Variants in RYR3 observed in about 807,000 individuals in gnomAD.
The protein encoded by RYR3 is brain ryanodine receptor-calcium release channel.
A neutral mutation model predicts 584.3 loss-of-function variants in RYR3; 207 were observed. That is an observed-to-expected ratio of 0.35 (90% CI 0.32 to 0.40). RYR3 has a LOEUF of 0.40. Among genes scored for constraint, RYR3 ranks in the 10% least tolerant of loss-of-function variants. The pLI, the probability that RYR3 is intolerant of heterozygous loss-of-function variation, is 1.00. For missense variants in RYR3, 5,616 were observed against 6,089.2 expected, an observed-to-expected ratio of 0.92 and a Z score of 2.59; for synonymous variants, 2,416 against 2,248.5, an observed-to-expected ratio of 1.07 and a Z score of -2.11.
At chr15:33,523,536 C>T (rs1181903292) in intron 3 of RYR3, among the ~76,000 whole-genome samples, 1 of 152,100 alleles carries the variant, frequency 6.6e-6, no homozygotes, top group Admixed American at 6.5e-5. Flanking sequence ...CCAGAAGGAA[C>T]CAGTTCCGGA....
chr15:33,797,599 G>T (rs1383934456), intron 67 of RYR3, among the ~76,000 whole-genome samples: 1 of 151,974 alleles, frequency 6.6e-6, no homozygotes, highest in African/African-American at 2.4e-5. Context: ...GAAGAGGGGT[G>T]GCCAAAGAAA....
At chr15:33,719,088 C>A (rs1013898440) in intron 43 of RYR3, among the ~76,000 whole-genome samples, 1 of 152,190 alleles carries the variant, frequency 6.6e-6, no homozygotes. Context: ...ATCCTCTTTG[C>A]CTTGGGAAGC....
At chr15:33,826,007 T>C (rs1186521913) in intron 82 of RYR3, among the ~76,000 whole-genome samples, 2 of 152,174 alleles carry the variant, frequency 1.3e-5, no homozygotes, top group Non-Finnish European at 2.9e-5. Context: ...AGTGCTGGAA[T>C]TACAGGCGTG....
intron 64 of RYR3, among the ~76,000 whole-genome samples, chr15:33,777,153 A>G (rs973916277): frequency 6.6e-6 from 1 of 152,226 alleles, no homozygotes; most frequent in Non-Finnish European, 1.5e-5. Context: ...GCAGCACTGC[A>G]CTCCAGCCTA....
intron 1 of RYR3, among the ~76,000 whole-genome samples, chr15:33,384,483 A>ACAT (rs2041433491): frequency 6.9e-6 from 1 of 145,016 alleles, no homozygotes; most frequent in Admixed American, 7.0e-5. Context: ...ATTATATTTT[A>ACAT]TATTATAATA....
intron 3 of RYR3, among the ~76,000 whole-genome samples, chr15:33,524,465 G>A (rs1433935683): frequency 2.0e-5 from 3 of 151,918 alleles, no homozygotes; most frequent in Non-Finnish European, 4.4e-5. Context: ...GTTTTGTTGC[G>A]CCTATTATAA....
intron 37 of RYR3, among the ~76,000 whole-genome samples, chr15:33,669,862 G>GGGGT: frequency 4.6e-5 from 2 of 43,606 alleles, no homozygotes; most frequent in Non-Finnish European, 1.1e-4. Context: ...GGGGGGGTGT[G>GGGGT]GGTGTGTGGG....
In RYR3 at chr15:33,662,075, T is replaced by G. The variant is rs957100573; in HGVS notation, c.4623-78T>G. 22 of 1,268,444 alleles carry G rather than the reference T, an allele frequency of 1.7e-5. No homozygotes were observed. In the Middle Eastern group the frequency reaches 8.3e-4, roughly 48 times the overall value. The allele number at this position is 1,268,444 out of a possible 1,614,324, so 78.6% of individuals were successfully genotyped here. A position where few individuals can be genotyped will look rare whatever the true frequency, so the allele number is the denominator to read the frequency against. ...TCCAACCTTCCACCCACCCTGCCTT[T>G]GTTGGGCTGGATGAAATAGCTGGAT... On this transcript the variant is annotated intron_variant, in intron 34 of 103. Coordinates refer to ENST00000634891, the MANE Select transcript of RYR3 (RefSeq NM_001036.6).
intron 55 of RYR3, 121 bp from the exon 56 acceptor site, chr15:33,749,858 C>T (rs1163598463): frequency 6.8e-6 from 5 of 739,026 alleles, no homozygotes; most frequent in African/African-American, 1.8e-5. Context: ...AGCCCTTGGC[C>T]GTCTGCTGTT....
chr15:33,483,602 A>G (rs955816567), intron 2 of RYR3, among the ~76,000 whole-genome samples: 17 of 152,204 alleles, frequency 1.1e-4, no homozygotes, highest in African/African-American at 4.1e-4. Flanking sequence ...AGTATTTTCT[A>G]AACACCTCTA....
chr15:33,479,374 A>T (rs191625290), intron 2 of RYR3, among the ~76,000 whole-genome samples: 1 of 151,990 alleles, frequency 6.6e-6, no homozygotes, highest in Admixed American at 6.5e-5. Context: ...GTTAGTACAT[A>T]GTATTCTCTA....
chr15:33,525,239 A>C (rs546864161), intron 3 of RYR3, among the ~76,000 whole-genome samples: 1 of 152,168 alleles, frequency 6.6e-6, no homozygotes, highest in African/African-American at 2.4e-5. Context: ...CTGCTTTGTC[A>C]TATGCTACAC....
At chr15:33,729,248 A>G (rs932562252) in intron 47 of RYR3, among the ~76,000 whole-genome samples, 5 of 152,150 alleles carry the variant, frequency 3.3e-5, no homozygotes, top group East Asian at 1.9e-4. Context: ...CCTCAATTGC[A>G]GAGTTTTTTT....
intron 52 of RYR3, among the ~76,000 whole-genome samples, chr15:33,744,070 G>A (rs2070435183): frequency 1.3e-5 from 2 of 151,974 alleles, no homozygotes; most frequent in African/African-American, 4.8e-5. Flanking sequence ...TCTCTCATAT[G>A]CACTACACAT....
chr15:33,854,722 T>C (rs748900792), intron 97 of RYR3, 44 bp from the exon 98 acceptor site: 23 of 1,573,584 alleles, frequency 1.5e-5, no homozygotes, highest in Admixed American at 1.9e-5. Context: ...ATGAGCACAC[T>C]ATGAGGCAAA....
chr15:33,347,474 T>C lies in RYR3; in HGVS notation c.51+36378T>C, dbSNP rs185271774. Among the ~76,000 whole-genome samples, 314 of 148,116 alleles carry C rather than the reference T, an allele frequency of 2.1e-3. 1 individual carries two copies. Among genetic ancestry groups the C allele is most frequent in the African/African-American group, 7.4e-3 (297 of 40,006 alleles). On this transcript the variant is annotated intron_variant, in intron 1 of 103. Coordinates refer to ENST00000634891, the MANE Select transcript of RYR3 (RefSeq NM_001036.6). ...GCTTTTTTTTTTTTTTGAGACGGAG[T>C]CTTGCTCTGTCGCCCAGGCTGGAGT... is the stretch of plus-strand genomic sequence containing the variant.
chr15:33,320,707 C>A (rs1017690312), intron 1 of RYR3, among the ~76,000 whole-genome samples: 8 of 152,176 alleles, frequency 5.3e-5, no homozygotes, highest in Admixed American at 3.3e-4. Flanking sequence ...TAGTGCCTAT[C>A]TGAGAGGATT....
intron 1 of RYR3, among the ~76,000 whole-genome samples, chr15:33,369,388 C>T (rs1446052253): frequency 4.6e-5 from 7 of 152,180 alleles, no homozygotes; most frequent in African/African-American, 1.7e-4. Flanking sequence ...CCTTTGATGC[C>T]CTTGGTCCTC....
At chr15:33,596,906 C>T (rs932821293) in intron 16 of RYR3, among the ~76,000 whole-genome samples, 2 of 151,826 alleles carry the variant, frequency 1.3e-5, no homozygotes, top group East Asian at 1.9e-4. Flanking sequence ...TGTCCTTGTT[C>T]ATTCCTGGGC....
Sources: allele counts gnomAD v4.1 joint callset (sites outside exome capture counted in the v4.1 genomes callset), GRCh38; gene constraint gnomAD v4.1.1; transcripts MANE v1.5; gene names NCBI Gene and HGNC (gene_info 2026-07-23, HGNC 2026-07-21).